Variants in ANXA5 observed in about 807,000 individuals in gnomAD.
The protein encoded by ANXA5 is annexin A5, also known as CBP-I.
ANXA5 carries 40 observed loss-of-function variants against 48.1 expected under a neutral mutation model. The ratio of observed to expected loss-of-function variants is 0.83; its 90% CI spans 0.65 to 1.08. The LOEUF (loss-of-function observed/expected upper bound fraction) is 1.08, where lower values mean the gene tolerates loss of function less well. Among genes scored for constraint, ANXA5 ranks in the 50% least tolerant of loss-of-function variants. ANXA5 has a pLI of 0.00. For synonymous variants in ANXA5, 113 were observed against 129.1 expected, an observed-to-expected ratio of 0.88 and a Z score of 0.85; for missense variants, 357 against 376.8, an observed-to-expected ratio of 0.95 and a Z score of 0.44.
intron 8 of ANXA5, among the ~76,000 whole-genome samples, chr4:121,677,357 T>C (rs1170856501): frequency 6.6e-6 from 1 of 152,194 alleles, no homozygotes; most frequent in Non-Finnish European, 1.5e-5. Flanking sequence ...TGAGACTTTA[T>C]AGGGGTTTAT....
chr4:121,670,985 C>T (rs898341927), intron 10 of ANXA5, among the ~76,000 whole-genome samples: 2 of 152,160 alleles, frequency 1.3e-5, no homozygotes, highest in Admixed American at 1.3e-4. Context: ...ACTAGATTCT[C>T]CCTAGCTTTG....
At chr4:121,670,267 C>A (rs375484154) in intron 10 of ANXA5, among the ~76,000 whole-genome samples, 39 of 152,304 alleles carry the variant, frequency 2.6e-4, no homozygotes, top group Non-Finnish European at 5.0e-4. Context: ...TTTTTCTATG[C>A]GCCTTGGTTC....
In ANXA5 at chr4:121,671,622, T is replaced by G. The variant is rs752790362; in HGVS notation, c.646A>C (p.Ile216Leu). ...GTTTCCTCAATTTGAAATCCTGATA[T>G]AGTCATGTACTTGTCAAACACTAGA... ...LRKVFDKYMTISGFQIEETID... is the reference protein window; with the variant it reads ...LRKVFDKYMTLSGFQIEETID... The change falls in exon 10 of 13, where the codon ATA becomes CTA. Residue 216 changes from isoleucine to leucine, a missense_variant. Transcript: ENST00000296511. 6.8e-6 allele frequency: 11 copies of G among 1,612,364 alleles called. No individual in the cohort carries two copies. The highest frequency in any genetic ancestry group is 9.3e-6 in the Non-Finnish European group (11 of 1,178,600).
chr4:121,692,748 T>C (rs922981772), intron 2 of ANXA5, among the ~76,000 whole-genome samples: 1 of 152,200 alleles, frequency 6.6e-6, no homozygotes, highest in African/African-American at 2.4e-5. Context: ...AAAATAGTAA[T>C]ACCTATTTCC....
At chr4:121,685,706 AC>A (rs1374177654) in intron 3 of ANXA5, among the ~76,000 whole-genome samples, 1 of 152,214 alleles carries the variant, frequency 6.6e-6, no homozygotes, top group Non-Finnish European at 1.5e-5. Flanking sequence ...TTTTTAAATG[AC>A]TAGAAAAGAG....
At chr4:121,670,218 G>A (rs1452224875) in intron 10 of ANXA5, among the ~76,000 whole-genome samples, 1 of 152,312 alleles carries the variant, frequency 6.6e-6, no homozygotes, top group Non-Finnish European at 1.5e-5. Context: ...TTGGAGTTCT[G>A]AGGTCTGCAT....
At chr4:121,691,147 A>G (rs890653880) in intron 2 of ANXA5, among the ~76,000 whole-genome samples, 1 of 148,648 alleles carries the variant, frequency 6.7e-6, no homozygotes, top group African/African-American at 2.4e-5. Flanking sequence ...TTTATCTGCT[A>G]CCACCAATGC....
chr4:121,686,708 T>C (rs975107645), intron 2 of ANXA5, among the ~76,000 whole-genome samples: 4 of 152,122 alleles, frequency 2.6e-5, no homozygotes, highest in African/African-American at 7.2e-5. Context: ...ACCATTTTGA[T>C]CTACAAGCAT....
At chr4:121,693,242 A>G (rs1413578189) in intron 2 of ANXA5, among the ~76,000 whole-genome samples, 1 of 150,144 alleles carries the variant, frequency 6.7e-6, no homozygotes, top group Non-Finnish European at 1.5e-5. Context: ...TCGGGGGAGA[A>G]AAAAAAAAAC....
chr4:121,675,725 G>C (rs1377865749), intron 8 of ANXA5, among the ~76,000 whole-genome samples: 2 of 152,112 alleles, frequency 1.3e-5, no homozygotes, highest in Admixed American at 1.3e-4. Flanking sequence ...GTAATCAAAG[G>C]ACCAAGAATG....
chr4:121,692,449 G>A (rs1486834351), intron 2 of ANXA5, among the ~76,000 whole-genome samples: 1 of 152,318 alleles, frequency 6.6e-6, no homozygotes, highest in East Asian at 1.9e-4. Context: ...GTTAAAGTGA[G>A]CAGGTGGCAT....
chr4:121,696,194 A>G (rs1332118064), intron 2 of ANXA5, among the ~76,000 whole-genome samples: 1 of 150,070 alleles, frequency 6.7e-6, no homozygotes, highest in Non-Finnish European at 1.5e-5. Context: ...GTGGGGGGGG[A>G]ATGCGTTCGC....
rs9611 is a variant in ANXA5, at chr4:121,668,041, C to T, written c.*427G>A. On this transcript the variant is annotated 3_prime_UTR_variant, in exon 13 of 13. Transcript: ENST00000296511. ...TTATTTTTCATTAATCTTTTGAATA[C>T]AATCATCATAATTTTACAGGTTTAG... is the stretch of plus-strand genomic sequence containing the variant. 0.045 allele frequency: 6,934 copies of T among 154,358 alleles called. 511 individuals are homozygous for T. The highest frequency in any genetic ancestry group is 0.16 in the African/African-American group (6,540 of 41,556). 9.6% of individuals were successfully genotyped at this position (154,358 alleles called of 1,614,324 possible).
intron 8 of ANXA5, among the ~76,000 whole-genome samples, chr4:121,675,980 A>G (rs1341495577): frequency 6.6e-6 from 1 of 152,200 alleles, no homozygotes; most frequent in Non-Finnish European, 1.5e-5. Flanking sequence ...ATGCTGGGAA[A>G]TCTGCCCTCT....
intron 8 of ANXA5, among the ~76,000 whole-genome samples, chr4:121,675,827 C>T (rs954250260): frequency 1.3e-5 from 2 of 152,198 alleles, no homozygotes; most frequent in African/African-American, 2.4e-5. Flanking sequence ...GTCCCAGGTG[C>T]GCCACATGCC....
chr4:121,676,191 GA>G (rs1206257894), intron 8 of ANXA5, among the ~76,000 whole-genome samples: 1 of 151,850 alleles, frequency 6.6e-6, no homozygotes, highest in Non-Finnish European at 1.5e-5. Flanking sequence ...CCCCTAACAG[GA>G]GTACAACTCT....
chr4:121,677,291 C>T (rs1488284888), intron 8 of ANXA5, among the ~76,000 whole-genome samples: 1 of 152,172 alleles, frequency 6.6e-6, no homozygotes, highest in Non-Finnish European at 1.5e-5. Flanking sequence ...CAGTTTTCAG[C>T]TCTCATGTTT....
chr4:121,678,526 T>C, intron 6 of ANXA5, 32 bp from the exon 7 acceptor site: 1 of 1,556,280 alleles, frequency 6.4e-7, no homozygotes, highest in Non-Finnish European at 8.8e-7. Flanking sequence ...CTTATTTACA[T>C]CTTCTTTCAA....
chr4:121,678,299 G>T, intron 7 of ANXA5, 116 bp downstream of exon 7: 1 of 805,180 alleles, frequency 1.2e-6, no homozygotes. Flanking sequence ...ATCGCAGTAA[G>T]AATCAGCAAG....
Sources: gnomAD v4.1 joint callset for allele counts (sites outside exome capture counted in the v4.1 genomes callset) on GRCh38, gnomAD v4.1.1 for gene constraint, MANE v1.5 for transcripts, NCBI Gene and HGNC (gene_info 2026-07-23, HGNC 2026-07-21) for gene names.